CHEK1: variants seen among roughly 807,000 people sequenced by gnomAD.
CHEK1 encodes the protein checkpoint kinase 1, also known as serine/threonine-protein kinase Chk1.
In CHEK1, 32 loss-of-function variants were observed where a neutral mutation model predicts 60.2. That is an observed-to-expected ratio of 0.53 (90% CI 0.40 to 0.71). The LOEUF (loss-of-function observed/expected upper bound fraction) is 0.71. CHEK1 is among the 30% of genes least tolerant of loss of function. The probability of loss-of-function intolerance (pLI) is 0.00; values close to 1 mark genes in which losing one functional copy is unlikely to be tolerated. For synonymous variants in CHEK1, 179 were observed against 187.2 expected (o/e 0.96, Z 0.36); for missense variants, 399 against 564.6 (o/e 0.71, Z 2.97).
chr11:125,663,767 G>A (rs1406779031), intron 13 of CHEK1, among the ~76,000 whole-genome samples: 3 of 152,020 alleles, frequency 2.0e-5, no homozygotes, highest in Non-Finnish European at 4.4e-5. Context: ...GTGTTTCCTG[G>A]GTTATCTTCC....
chr11:125,641,933 A>T (rs1344523702), intron 8 of CHEK1, among the ~76,000 whole-genome samples: 2 of 152,150 alleles, frequency 1.3e-5, no homozygotes, highest in Non-Finnish European at 2.9e-5. Context: ...GTGTAGTGTA[A>T]GCTAAAATCA....
intron 8 of CHEK1, among the ~76,000 whole-genome samples, chr11:125,640,931 A>G (rs1339458386): frequency 1.3e-5 from 2 of 152,102 alleles, no homozygotes; most frequent in Non-Finnish European, 2.9e-5. Context: ...GCCCTGCCAT[A>G]GGTTTTAAAT....
At chr11:125,629,493 A>G (rs1243546015) in intron 5 of CHEK1, 33 bp downstream of exon 5, 1 of 1,422,640 alleles carries the variant, frequency 7.0e-7, no homozygotes, top group South Asian at 1.3e-5. Context: ...ACCTAAAATA[A>G]AATAAAATAA....
chr11:125,657,497 T>G (rs1281339703), downstream of CHEK1, among the ~76,000 whole-genome samples: 2 of 152,266 alleles, frequency 1.3e-5, no homozygotes, highest in South Asian at 4.1e-4. Context: ...AAATAGACTT[T>G]GGTGATAATC....
chr11:125,627,870 T>A, intron 3 of CHEK1, 40 bp downstream of exon 3: 1 of 1,433,764 alleles, frequency 7.0e-7, no homozygotes, highest in Non-Finnish European at 9.4e-7. Flanking sequence ...AAACAAGTTT[T>A]TAAATTTGTT....
chr11:125,626,268 C>T, intron 1 of CHEK1: 4 of 523,930 alleles, frequency 7.6e-6, no homozygotes, highest in Non-Finnish European at 1.4e-5. Flanking sequence ...CCTTTCGCCT[C>T]TGGGGGCAGT....
intron 10 of CHEK1, 100 bp from the exon 11 acceptor site, chr11:125,644,412 G>C: frequency 1.3e-6 from 2 of 1,482,474 alleles, no homozygotes; most frequent in Non-Finnish European, 1.8e-6. Flanking sequence ...AGAGGAGGGA[G>C]GCCTTCATGC....
intron 13 of CHEK1, among the ~76,000 whole-genome samples, chr11:125,674,091 C>G (rs1284802474): frequency 1.3e-5 from 2 of 152,002 alleles, no homozygotes; most frequent in African/African-American, 4.8e-5. Flanking sequence ...TTGCAGTGAG[C>G]TGAGATCGCG....
Position 125,669,522 on chromosome 11 carries a change from C to CTTTTTTTTT in CHEK1, c.*28-6395_*28-6387dup, listed in dbSNP as rs67333022. 1.9e-4 allele frequency among the ~76,000 whole-genome samples: 22 copies of CTTTTTTTTT among 114,702 alleles called. 1 individual carries two copies. Among genetic ancestry groups the CTTTTTTTTT allele is most frequent in the South Asian group, 3.0e-4 (1 of 3,284 alleles). 75.2% of individuals were successfully genotyped at this position (114,702 alleles called of 152,430 possible). ...ATATTTCTTTTTCTTTTCTTTTTTC[C>CTTTTTTTTT]TTTTTTTTTTTTTTTTTTTGTGATG... On this transcript the variant is annotated intron_variant, in intron 13 of 13. Coordinates refer to the CHEK1 transcript ENST00000428830.
At chr11:125,652,340 C>T (rs1941767055) in intron 11 of CHEK1, among the ~76,000 whole-genome samples, 1 of 152,188 alleles carries the variant, frequency 6.6e-6, no homozygotes, top group Admixed American at 6.5e-5. Flanking sequence ...TAGGAACGTT[C>T]TAAAAGACTG....
At chr11:125,672,596 G>A (rs368749185) in intron 13 of CHEK1, 2 of 1,613,874 alleles carry the variant, frequency 1.2e-6, no homozygotes, top group Non-Finnish European at 1.7e-6. Context: ...CAGGCTTCTA[G>A]ATCTTATTGC....
intron 7 of CHEK1, 54 bp downstream of exon 7, chr11:125,635,587 G>C: frequency 8.7e-7 from 1 of 1,150,450 alleles, no homozygotes; most frequent in South Asian, 1.5e-5. Flanking sequence ...ATGAAGTCTT[G>C]TGCTATTTGA....
At chr11:125,657,603 C>T (rs1267397956), downstream of CHEK1, among the ~76,000 whole-genome samples, 4 of 152,024 alleles carry the variant, frequency 2.6e-5, no homozygotes, top group Non-Finnish European at 5.9e-5. Context: ...TATTAACGAA[C>T]TTTATATACA....
chr11:125,634,444 T>C (rs1346669684), intron 6 of CHEK1, among the ~76,000 whole-genome samples: 1 of 152,132 alleles, frequency 6.6e-6, no homozygotes, highest in African/African-American at 2.4e-5. Context: ...TGCCTCAGTC[T>C]CCTCAGTATC....
Position 125,655,743 on chromosome 11 carries a change from T to A in CHEK1, c.*423T>A, listed in dbSNP as rs190098261. Reference sequence around the variant, plus strand: ...TGAACCAATAAAGACATAATTCTTGTGACTTTTGGACAGTAGATTTATCAG... The same window carrying A: ...TGAACCAATAAAGACATAATTCTTGAGACTTTTGGACAGTAGATTTATCAG... On this transcript the variant is annotated 3_prime_UTR_variant, in exon 13 of 13. Transcript: ENST00000438015. The A allele has an allele frequency of 2.7e-5, 6 of 218,338 alleles. No individual in the cohort carries two copies. Among genetic ancestry groups the A allele is most frequent in the Non-Finnish European group, 4.6e-5 (5 of 108,712 alleles). The allele number at this position is 218,338 out of a possible 1,614,324, so 13.5% of individuals were successfully genotyped here. A position where few individuals can be genotyped will look rare whatever the true frequency, so the allele number is the denominator to read the frequency against.
In CHEK1 at chr11:125,635,597, A is replaced by T. The variant is rs1003119106; in HGVS notation, c.718+64A>T. The T allele has an allele frequency of 6.5e-6, 7 of 1,071,586 alleles. No individual in the cohort carries two copies. The African/African-American group carries it at 9.9e-5, about 15-fold the overall frequency. 66.4% of individuals were successfully genotyped at this position (1,071,586 alleles called of 1,614,324 possible). Reference sequence around the variant, plus strand: ...TGGATATGAAGTCTTGTGCTATTTGAATTTTTTCTTACTTTTTTTTTTGTT... The same window carrying T: ...TGGATATGAAGTCTTGTGCTATTTGTATTTTTTCTTACTTTTTTTTTTGTT... On this transcript the variant is annotated intron_variant, in intron 7 of 12. Transcript: ENST00000438015.
In CHEK1 at chr11:125,655,317, A is replaced by G; in HGVS notation, c.1428A>G (p.Thr476=). Residue 476 remains threonine, a synonymous_variant, in exon 13 of 13, where the codon ACA becomes ACG. Transcript: ENST00000438015. ...VSSQKIWLPA[T] is the part of the protein sequence containing the mutation. ...GCCAGAAGATTTGGCTTCCTGCCAC[A>G]TGATCGGACCATCGGCTCTGGGGAA... is the stretch of plus-strand genomic sequence containing the variant. 1.9e-6 allele frequency: 3 copies of G among 1,606,460 alleles called. No individual in the cohort carries two copies. The highest frequency in any genetic ancestry group is 1.7e-6 in the Non-Finnish European group (2 of 1,173,148).
intron 13 of CHEK1, among the ~76,000 whole-genome samples, chr11:125,667,828 C>T (rs1292112970): frequency 6.6e-6 from 1 of 152,108 alleles, no homozygotes; most frequent in East Asian, 1.9e-4. Context: ...ACCATGTTGG[C>T]CAGGCTGGTC....
At chr11:125,646,357 G>T (rs3731460) in intron 11 of CHEK1, among the ~76,000 whole-genome samples, 2 of 151,840 alleles carry the variant, frequency 1.3e-5, no homozygotes, top group African/African-American at 4.8e-5. Flanking sequence ...ATTACATTTC[G>T]TTTATCCATT....
Sources: gnomAD v4.1 joint callset for allele counts (sites outside exome capture counted in the v4.1 genomes callset) on GRCh38, gnomAD v4.1.1 for gene constraint, MANE v1.5 for transcripts, NCBI Gene and HGNC (gene_info 2026-07-23, HGNC 2026-07-21) for gene names.